PCSK5: variants seen among roughly 807,000 people sequenced by gnomAD.
PCSK5 encodes prohormone convertase 5.
Under a neutral mutation model 233.2 loss-of-function variants are expected in PCSK5, and 129 were observed. That is an observed-to-expected ratio of 0.55 (90% CI 0.48 to 0.64). The LOEUF is 0.64. Ranked by LOEUF, PCSK5 falls within the 30% of genes least tolerant of loss-of-function variation. The pLI is 0.00. For synonymous variants in PCSK5, 825 were observed against 879.2 expected, an observed-to-expected ratio of 0.94 and a Z score of 1.09; for missense variants, 2,076 against 2,430.1, an observed-to-expected ratio of 0.85 and a Z score of 3.06.
chr9:76,333,151 C>T (rs1194061600), intron 34 of PCSK5, among the ~76,000 whole-genome samples: 1 of 152,196 alleles, frequency 6.6e-6, no homozygotes, highest in Non-Finnish European at 1.5e-5. Flanking sequence ...GCACTCCAGC[C>T]TCAGTGACAG....
intron 37 of PCSK5, among the ~76,000 whole-genome samples, chr9:76,357,221 T>C (rs1265089012): frequency 6.6e-6 from 1 of 152,174 alleles, no homozygotes; most frequent in East Asian, 1.9e-4. Flanking sequence ...GGGTTGGAAC[T>C]CCGGATTTCA....
chr9:75,903,123 G>A (rs116744725), intron 1 of PCSK5, among the ~76,000 whole-genome samples: 3,109 of 152,046 alleles, frequency 0.02, 98 homozygotes, highest in African/African-American at 0.069. Flanking sequence ...CTTTAAATAC[G>A]TATTTTATAT....
At chr9:75,941,017 T>C (rs1226710157) in intron 2 of PCSK5, among the ~76,000 whole-genome samples, 1 of 152,226 alleles carries the variant, frequency 6.6e-6, no homozygotes, top group Non-Finnish European at 1.5e-5. Context: ...CCATGCTTTT[T>C]CACAAATAAT....
Position 76,354,132 on chromosome 9 carries a change from C to T in PCSK5, c.5167C>T (p.His1723Tyr). ...CTLCPANLVL[H>Y]MDDSHCLHCC... ...CTTGTGCCCTGCCAACCTGGTGCTG[C>T]ACATGGACGACAGCCACTGCCTCCA... Residue 1723 changes from histidine to tyrosine, a missense_variant, in exon 37 of 38, where the codon CAC (histidine) becomes TAC (tyrosine). By Grantham distance (83) the His-to-Tyr change is moderately conservative. Transcript: ENST00000674117. 1 of 1,600,246 alleles carries T rather than the reference C, an allele frequency of 6.2e-7. No homozygotes were observed. The highest frequency in any genetic ancestry group is 1.3e-5 in the African/African-American group (1 of 74,858).
At chr9:76,327,536 A>G (rs907756010) in intron 32 of PCSK5, among the ~76,000 whole-genome samples, 1 of 152,256 alleles carries the variant, frequency 6.6e-6, no homozygotes, top group African/African-American at 2.4e-5. Flanking sequence ...GTATTCAAAA[A>G]TAAATGCAAA....
rs1371894214 is a variant in PCSK5, at chr9:76,189,076, G to A, written c.2381-18G>A. The A allele has an allele frequency of 6.2e-7, 1 of 1,610,734 alleles. No homozygotes were observed. Among genetic ancestry groups the A allele is most frequent in the African/African-American group, 1.3e-5 (1 of 74,924 alleles). Reference sequence around the variant, plus strand: ...TGAGGTTTTATTTCTCGTTTCCTGTGTTTGTCTTGCTTTTAAGGGGCAGGA... The same window carrying A: ...TGAGGTTTTATTTCTCGTTTCCTGTATTTGTCTTGCTTTTAAGGGGCAGGA... On this transcript the variant is annotated intron_variant, in intron 18 of 37. Coordinates refer to ENST00000674117, the MANE Select transcript of PCSK5 (RefSeq NM_001372043.1).
rs1564179806 is a variant in PCSK5, at chr9:76,323,054, T to A, written c.4105T>A (p.Cys1369Ser). The A allele has an allele frequency of 3.2e-6, 5 of 1,574,154 alleles. No homozygotes were observed. The highest frequency in any genetic ancestry group is 4.3e-6 in the Non-Finnish European group (5 of 1,152,242). Residue 1369 changes from cysteine (C) to serine (S), a missense_variant and splice_region_variant, in exon 32 of 38, where the codon TGC becomes AGC. Cys to Ser is a moderately radical substitution (Grantham distance 112). Coordinates refer to ENST00000674117, the MANE Select transcript of PCSK5 (RefSeq NM_001372043.1). ...DCIHEKTCKECTPEFFLHDDM... is the reference protein window; with the variant it reads ...DCIHEKTCKESTPEFFLHDDM... ...TTGCTGCTTCCTCCTTTTCCCAGAG[T>A]GCACGCCTGAGTTCTTCCTGCACGA...
intron 24 of PCSK5, among the ~76,000 whole-genome samples, chr9:76,288,956 T>C (rs778506306): frequency 2.6e-5 from 4 of 152,082 alleles, no homozygotes; most frequent in Non-Finnish European, 5.9e-5. Context: ...CAAAATAAAA[T>C]GGCATAGAAT....
intron 7 of PCSK5, among the ~76,000 whole-genome samples, chr9:76,087,958 T>C (rs568554715): frequency 6.6e-6 from 1 of 152,338 alleles, no homozygotes; most frequent in South Asian, 2.1e-4. Flanking sequence ...TCCATTTTTC[T>C]CACCAGAGAA....
At chr9:76,177,744 A>G (rs1380199426) in intron 14 of PCSK5, among the ~76,000 whole-genome samples, 1 of 152,196 alleles carries the variant, frequency 6.6e-6, no homozygotes, top group Admixed American at 6.5e-5. Flanking sequence ...ACAGTTATAT[A>G]TCTTTGTGGT....
chr9:76,027,134 C>A, intron 5 of PCSK5, 97 bp downstream of exon 5: 1 of 701,926 alleles, frequency 1.4e-6, no homozygotes, highest in Non-Finnish European at 2.4e-6. Context: ...TCCTTGATAA[C>A]ATATGATTGC....
intron 1 of PCSK5, among the ~76,000 whole-genome samples, chr9:75,913,388 C>T (rs1373169562): frequency 2.0e-5 from 3 of 152,160 alleles, no homozygotes. Context: ...TTTACATAGC[C>T]ACACATATAT....
At chr9:75,953,888 A>T (rs899358241) in intron 2 of PCSK5, among the ~76,000 whole-genome samples, 2 of 152,118 alleles carry the variant, frequency 1.3e-5, no homozygotes. Flanking sequence ...CATTTTACTT[A>T]TGAGCCCCAT....
intron 9 of PCSK5, among the ~76,000 whole-genome samples, chr9:76,133,278 T>C (rs1447543612): frequency 1.3e-5 from 2 of 152,094 alleles, no homozygotes; most frequent in African/African-American, 4.8e-5. Flanking sequence ...TGATTAGAAT[T>C]GCATGCATGC....
chr9:76,175,295 T>TAGAAC (rs1823552677), intron 14 of PCSK5, 166 bp downstream of exon 14: 3 of 401,856 alleles, frequency 7.5e-6, no homozygotes, highest in East Asian at 4.7e-5. Flanking sequence ...TCGAATCGAA[T>TAGAAC]AGAATAGAAT....
chr9:76,215,209 C>T (rs1330887427), intron 20 of PCSK5, among the ~76,000 whole-genome samples: 1 of 152,118 alleles, frequency 6.6e-6, no homozygotes, highest in Admixed American at 6.5e-5. Context: ...AATTTGGGGC[C>T]CCAGGCACAT....
chr9:75,931,854 ATATATT>A (rs1278346247), intron 1 of PCSK5, among the ~76,000 whole-genome samples: 2 of 152,136 alleles, frequency 1.3e-5, no homozygotes, highest in African/African-American at 4.8e-5. Flanking sequence ...TGCATAATCT[ATATATT>A]TATACTGTCT....
intron 32 of PCSK5, 93 bp downstream of exon 32, chr9:76,323,381 GT>G (rs1218905413): frequency 1.6e-5 from 12 of 736,308 alleles, no homozygotes; most frequent in Admixed American, 2.8e-5. Context: ...TCTTTTTTTT[GT>G]TGTGTTTTGT....
Position 76,296,758 on chromosome 9 carries a change from C to G in PCSK5, c.3416C>G (p.Thr1139Arg), listed in dbSNP as rs777788290. Residue 1139 changes from threonine to arginine, a missense_variant, in exon 27 of 38, where the codon ACA (threonine) becomes AGA (arginine). By Grantham distance (71) the Thr-to-Arg change is moderately conservative. Transcript: ENST00000674117. ...TGCCACCGAGCATGCGAAACCTGCA[C>G]AGGCCCTGGTCATGACGAGTGCAGC... is the stretch of plus-strand genomic sequence containing the variant. ...ESCHRACETC[T>R]GPGHDECSSC... 2 of 1,611,898 alleles carry G rather than the reference C, an allele frequency of 1.2e-6. No homozygotes were observed. Among genetic ancestry groups the G allele is most frequent in the Non-Finnish European group, 1.7e-6 (2 of 1,179,032 alleles).
Sources: gnomAD v4.1 joint callset for allele counts (sites outside exome capture counted in the v4.1 genomes callset) on GRCh38, gnomAD v4.1.1 for gene constraint, MANE v1.5 for transcripts, NCBI Gene and HGNC (gene_info 2026-07-23, HGNC 2026-07-21) for gene names.